KCNN2: variants seen among roughly 807,000 people sequenced by gnomAD.
The protein encoded by KCNN2 is potassium calcium-activated channel subfamily N member 2, also known as small conductance calcium-activated potassium channel protein 2.
Under a neutral mutation model 55.5 loss-of-function variants are expected in KCNN2, and 24 were observed. That is an observed-to-expected ratio of 0.43 (90% CI 0.31 to 0.61). KCNN2 has a LOEUF of 0.61. Among genes scored for constraint, KCNN2 ranks in the 20% least tolerant of loss-of-function variants. The pLI, the probability that KCNN2 is intolerant of heterozygous loss-of-function variation, is 0.08. For synonymous variants in KCNN2, 431 were observed against 336.1 expected, an observed-to-expected ratio of 1.28 and a Z score of -3.09; for missense variants, 754 against 853.6, an observed-to-expected ratio of 0.88 and a Z score of 1.45.
intron 2 of KCNN2, among the ~76,000 whole-genome samples, chr5:114,259,191 G>A (rs1489377133): frequency 6.6e-6 from 1 of 152,232 alleles, no homozygotes; most frequent in African/African-American, 2.4e-5. Context: ...GAAAGCACGT[G>A]TTCTGGTTTC....
At chr5:114,198,147 G>A (rs1321343075) in intron 1 of KCNN2, among the ~76,000 whole-genome samples, 1 of 151,664 alleles carries the variant, frequency 6.6e-6, no homozygotes, top group Non-Finnish European at 1.5e-5. Context: ...TCTGCCATTT[G>A]TTAGTCCGTT....
At chr5:114,342,177 A>T (rs1198035090) in intron 2 of KCNN2, among the ~76,000 whole-genome samples, 1 of 151,662 alleles carries the variant, frequency 6.6e-6, no homozygotes, top group Non-Finnish European at 1.5e-5. Flanking sequence ...CTGGGATTAC[A>T]GGCGTGAACC....
At chr5:114,270,768 G>T (rs942415624) in intron 2 of KCNN2, among the ~76,000 whole-genome samples, 3 of 152,136 alleles carry the variant, frequency 2.0e-5, no homozygotes, top group African/African-American at 4.8e-5. Context: ...TCTTGGTCTT[G>T]CTGACTTCAA....
chr5:114,321,601 C>CCT (rs1172399387), intron 2 of KCNN2, among the ~76,000 whole-genome samples: 1 of 152,040 alleles, frequency 6.6e-6, no homozygotes, highest in Non-Finnish European at 1.5e-5. Flanking sequence ...TTGTAATGGA[C>CCT]CTCTTGCCAT....
chr5:114,392,881 G>GT (rs530564938), intron 2 of KCNN2, among the ~76,000 whole-genome samples: 22 of 127,702 alleles, frequency 1.7e-4, no homozygotes, highest in African/African-American at 5.0e-4. Flanking sequence ...TTTGTTTTTT[G>GT]TTTTTTTTAA....
chr5:114,416,928 T>C (rs1315744679), intron 3 of KCNN2, among the ~76,000 whole-genome samples: 1 of 152,116 alleles, frequency 6.6e-6, no homozygotes, highest in Non-Finnish European at 1.5e-5. Flanking sequence ...ATGGGGAAAA[T>C]TAAATTTAGT....
intron 2 of KCNN2, among the ~76,000 whole-genome samples, chr5:114,376,246 C>G (rs528756915): frequency 6.6e-6 from 1 of 152,178 alleles, no homozygotes; most frequent in South Asian, 2.1e-4. Flanking sequence ...CAAGTAGCCA[C>G]AGAAGGAAAG....
chr5:114,085,744 G>A (rs1379260233), intron 1 of KCNN2, among the ~76,000 whole-genome samples: 1 of 151,926 alleles, frequency 6.6e-6, no homozygotes, highest in Non-Finnish European at 1.5e-5. Flanking sequence ...TAAGTCAATT[G>A]GGTAATTTTG....
intron 1 of KCNN2, among the ~76,000 whole-genome samples, chr5:114,093,460 A>C (rs1433016620): frequency 6.6e-6 from 1 of 152,116 alleles, no homozygotes; most frequent in African/African-American, 2.4e-5. Context: ...TCACATTTTC[A>C]CATTTTTGGG....
chr5:114,091,063 C>CTGTGA, intron 1 of KCNN2, among the ~76,000 whole-genome samples: 1 of 152,088 alleles, frequency 6.6e-6, no homozygotes, highest in East Asian at 1.9e-4. Flanking sequence ...TGATCTCAAA[C>CTGTGA]TCCTGTGTTC....
intron 1 of KCNN2, among the ~76,000 whole-genome samples, chr5:114,060,171 A>G (rs977086015): frequency 4.6e-5 from 7 of 152,196 alleles, no homozygotes; most frequent in African/African-American, 7.2e-5. Context: ...CTTAGCCTGC[A>G]TGTGGGTTTC....
chr5:114,246,862 T>C (rs1754757239), intron 2 of KCNN2, among the ~76,000 whole-genome samples: 1 of 152,084 alleles, frequency 6.6e-6, no homozygotes, highest in Admixed American at 6.6e-5. Context: ...CATAATTTAA[T>C]ATTTCTAAAA....
At chr5:114,363,615 TCCTCTGG>T (rs1289821323) in intron 1 of KCNN2, among the ~76,000 whole-genome samples, 3 of 152,142 alleles carry the variant, frequency 2.0e-5, no homozygotes, top group African/African-American at 4.8e-5. Flanking sequence ...AGAAGTAAGT[TCCTCTGG>T]TTTTGCTAGC....
intron 2 of KCNN2, among the ~76,000 whole-genome samples, chr5:114,272,246 TATC>T (rs1235034077): frequency 2.0e-5 from 3 of 151,940 alleles, no homozygotes; most frequent in Non-Finnish European, 4.4e-5. Context: ...TGTGTGTACA[TATC>T]ATATACACAC....
intron 2 of KCNN2, among the ~76,000 whole-genome samples, chr5:114,258,992 A>C (rs1755043550): frequency 6.6e-6 from 1 of 152,158 alleles, no homozygotes; most frequent in African/African-American, 2.4e-5. Context: ...ATCCTCCAGC[A>C]TACCTGTGCC....
chr5:114,147,322 A>G (rs1279813477), intron 1 of KCNN2, among the ~76,000 whole-genome samples: 1 of 152,186 alleles, frequency 6.6e-6, no homozygotes, highest in Non-Finnish European at 1.5e-5. Flanking sequence ...ACAAGGATGT[A>G]GAAAAGGCAT....
chr5:114,119,625 C>T (rs751765195), intron 1 of KCNN2, among the ~76,000 whole-genome samples: 3 of 152,154 alleles, frequency 2.0e-5, no homozygotes, highest in Non-Finnish European at 4.4e-5. Context: ...GGAAGCATCC[C>T]GTCTTCCTCC....
intron 2 of KCNN2, among the ~76,000 whole-genome samples, chr5:114,345,581 G>T (rs1390741345): frequency 1.3e-5 from 2 of 152,110 alleles, no homozygotes; most frequent in Admixed American, 6.5e-5. Context: ...GAAAGAGTTG[G>T]GGGGCAGAAA....
At chr5:114,293,270 A>C (rs970316036) in intron 2 of KCNN2, among the ~76,000 whole-genome samples, 4 of 152,120 alleles carry the variant, frequency 2.6e-5, no homozygotes, top group East Asian at 1.9e-4. Flanking sequence ...GTCTTGTGCC[A>C]GTTTTCAAAG....
Sources: gnomAD v4.1 joint callset for allele counts (sites outside exome capture counted in the v4.1 genomes callset) on GRCh38, gnomAD v4.1.1 for gene constraint, MANE v1.5 for transcripts, NCBI Gene and HGNC (gene_info 2026-07-23, HGNC 2026-07-21) for gene names.